SNTG1: variants seen among roughly 807,000 people sequenced by gnomAD.
The protein encoded by SNTG1 is syntrophin gamma 1, also known as gamma-1-syntrophin.
A neutral mutation model predicts 74.7 loss-of-function variants in SNTG1; 39 were observed. That is an observed-to-expected ratio of 0.52 (90% confidence interval 0.40 to 0.68). SNTG1 has a LOEUF of 0.68. SNTG1 is among the 30% of genes least tolerant of loss of function. SNTG1 has a pLI of 0.00. For missense variants in SNTG1, 685 were observed against 609.5 expected, an observed-to-expected ratio of 1.12 and a Z score of -1.30; for synonymous variants, 254 against 217.1, an observed-to-expected ratio of 1.17 and a Z score of -1.49.
At chr8:50,630,196 C>T (rs10504108) in intron 13 of SNTG1, among the ~76,000 whole-genome samples, 1,710 of 152,076 alleles carry the variant, frequency 0.011, 52 homozygotes, top group Admixed American at 0.067. Context: ...TAATTTGTGT[C>T]TATATCTGTA....
At chr8:50,270,675 T>C (rs1031754348) in intron 2 of SNTG1, among the ~76,000 whole-genome samples, 1 of 152,218 alleles carries the variant, frequency 6.6e-6, no homozygotes, top group Non-Finnish European at 1.5e-5. Context: ...TTGCTTTGCA[T>C]AGTACTTGGA....
chr8:50,179,726 A>G lies in SNTG1; in HGVS notation c.-28+7091A>G, dbSNP rs184827819. Among the ~76,000 whole-genome samples the G allele has an allele frequency of 9.8e-4, 150 of 152,324 alleles. 2 individuals are homozygous for G. Among genetic ancestry groups the G allele is most frequent in the Non-Finnish European group, 5.7e-4 (39 of 68,028 alleles). On this transcript the variant is annotated intron_variant, in intron 2 of 18. Coordinates refer to ENST00000642720, the MANE Select transcript of SNTG1 (RefSeq NM_018967.5). ...GGAAAATGCAAATCAAAATCACAGT[A>G]AGATATCACTTTACATCTGTTAAGA...
intron 2 of SNTG1, among the ~76,000 whole-genome samples, chr8:50,378,923 T>C (rs2092434800): frequency 6.6e-6 from 1 of 152,114 alleles, no homozygotes; most frequent in Non-Finnish European, 1.5e-5. Flanking sequence ...GCTCCCACTC[T>C]GGTCAGCAGG....
At chr8:50,563,483 G>A (rs1563580722) in intron 12 of SNTG1, among the ~76,000 whole-genome samples, 1 of 152,130 alleles carries the variant, frequency 6.6e-6, no homozygotes, top group Non-Finnish European at 1.5e-5. Context: ...CAGAGGTGCT[G>A]TCCATGGTAG....
At chr8:50,097,814 T>C (rs1450099880) in intron 1 of SNTG1, among the ~76,000 whole-genome samples, 1 of 152,226 alleles carries the variant, frequency 6.6e-6, no homozygotes, top group Admixed American at 6.5e-5. Context: ...GTCTTGGCAG[T>C]ACCAGATACA....
At chr8:49,935,066 A>T (rs1807933977) in intron 1 of SNTG1, among the ~76,000 whole-genome samples, 1 of 152,060 alleles carries the variant, frequency 6.6e-6, no homozygotes, top group South Asian at 2.1e-4. Context: ...AAGGCAGAAA[A>T]GGTGTTGTCT....
At chr8:50,419,812 A>G (rs1377895747) in intron 4 of SNTG1, among the ~76,000 whole-genome samples, 1 of 152,364 alleles carries the variant, frequency 6.6e-6, no homozygotes. Context: ...CCATTGAAAC[A>G]AATGAGAAAA....
At chr8:50,487,501 T>G (rs1174465391) in intron 8 of SNTG1, among the ~76,000 whole-genome samples, 1 of 152,192 alleles carries the variant, frequency 6.6e-6, no homozygotes, top group African/African-American at 2.4e-5. Flanking sequence ...TGGAATACTA[T>G]GCAGCCATAA....
intron 17 of SNTG1, among the ~76,000 whole-genome samples, chr8:50,743,369 A>G (rs2095547963): frequency 6.6e-6 from 1 of 152,014 alleles, no homozygotes; most frequent in Admixed American, 6.6e-5. Flanking sequence ...AATCAATGTA[A>G]TACAACACCT....
At chr8:50,426,430 G>A (rs1033896990) in intron 4 of SNTG1, among the ~76,000 whole-genome samples, 2 of 151,696 alleles carry the variant, frequency 1.3e-5, no homozygotes, top group Non-Finnish European at 2.9e-5. Flanking sequence ...ATATGTCTTA[G>A]TTTTTAACAA....
chr8:50,740,804 C>A (rs1235089685), intron 17 of SNTG1, among the ~76,000 whole-genome samples: 4 of 151,982 alleles, frequency 2.6e-5, no homozygotes, highest in Non-Finnish European at 2.9e-5. Flanking sequence ...GAATACTAAG[C>A]AGCCATAAAA....
chr8:49,969,875 C>T (rs757728428), intron 1 of SNTG1, among the ~76,000 whole-genome samples: 5 of 151,684 alleles, frequency 3.3e-5, no homozygotes, highest in African/African-American at 2.4e-5. Flanking sequence ...ACTCAAAATG[C>T]TGTTATAGAT....
At chr8:50,134,619 A>G (rs991158878) in intron 1 of SNTG1, among the ~76,000 whole-genome samples, 2 of 152,170 alleles carry the variant, frequency 1.3e-5, no homozygotes, top group Non-Finnish European at 2.9e-5. Context: ...TAGAATAGTA[A>G]TTAGAGGGAA....
At chr8:50,759,153 G>T (rs1438163998) in intron 18 of SNTG1, among the ~76,000 whole-genome samples, 3 of 151,994 alleles carry the variant, frequency 2.0e-5, no homozygotes, top group African/African-American at 7.2e-5. Context: ...TTTTGATGGG[G>T]TTGTTTGTTT....
intron 12 of SNTG1, among the ~76,000 whole-genome samples, chr8:50,584,584 T>A (rs1389904806): frequency 6.7e-6 from 1 of 149,490 alleles, no homozygotes; most frequent in Admixed American, 6.8e-5. Flanking sequence ...GCGTTCTCGA[T>A]GACACTGAGA....
chr8:49,992,787 T>C lies in SNTG1; in HGVS notation c.-103+80556T>C, dbSNP rs890054017. ...CTTGAGAACAATTATGTTTTATGTA[T>C]TGCTTTAAGTATTAATTTATAAAAA... is the stretch of plus-strand genomic sequence containing the variant. On this transcript the variant is annotated intron_variant, in intron 1 of 18. Transcript: ENST00000642720. Among the ~76,000 whole-genome samples the C allele has an allele frequency of 2.0e-5, 3 of 152,208 alleles. 1 individual carries two copies. The South Asian group carries it at 6.2e-4, about 31-fold the overall frequency.
chr8:50,388,811 C>T (rs2092613525), intron 2 of SNTG1, among the ~76,000 whole-genome samples: 1 of 152,114 alleles, frequency 6.6e-6, no homozygotes, highest in African/African-American at 2.4e-5. Flanking sequence ...ATATCATCTG[C>T]AAAGAAACTT....
At chr8:50,104,758 TTG>T (rs1296239382) in intron 1 of SNTG1, among the ~76,000 whole-genome samples, 2 of 152,238 alleles carry the variant, frequency 1.3e-5, no homozygotes, top group African/African-American at 4.8e-5. Flanking sequence ...TTCTGGTATG[TTG>T]TGTCTTTGTT....
At chr8:50,665,724 C>T (rs763824971) in intron 15 of SNTG1, among the ~76,000 whole-genome samples, 8 of 151,870 alleles carry the variant, frequency 5.3e-5, no homozygotes, top group Admixed American at 3.3e-4. Flanking sequence ...TGGGCAAATT[C>T]GGGACAAATT....
Sources: allele counts gnomAD v4.1 joint callset (sites outside exome capture counted in the v4.1 genomes callset), GRCh38; gene constraint gnomAD v4.1.1; transcripts MANE v1.5; gene names NCBI Gene and HGNC (gene_info 2026-07-23, HGNC 2026-07-21).